CTNNA3: variants seen among roughly 807,000 people sequenced by gnomAD.
The protein encoded by CTNNA3 is catenin alpha-3.
CTNNA3 carries 76 observed loss-of-function variants against 95.7 expected under a neutral mutation model. The ratio of observed to expected loss-of-function variants is 0.79; its 90% CI spans 0.66 to 0.96. The LOEUF is 0.96. CTNNA3 is among the 40% of genes least tolerant of loss of function. The pLI is 0.00. For synonymous variants in CTNNA3, 431 were observed against 374.4 expected, an observed-to-expected ratio of 1.15 and a Z score of -1.74; for missense variants, 1,191 against 1,089.8, an observed-to-expected ratio of 1.09 and a Z score of -1.31.
intron 12 of CTNNA3, among the ~76,000 whole-genome samples, chr10:66,377,546 T>A: frequency 6.6e-6 from 1 of 152,024 alleles, no homozygotes; most frequent in East Asian, 1.9e-4. Flanking sequence ...ATTATGATCA[T>A]AAAGTATGCT....
Position 66,368,075 on chromosome 10 carries a change from C to G in CTNNA3, c.1732+11077G>C, listed in dbSNP as rs561989795. 6.7e-4 allele frequency among the ~76,000 whole-genome samples: 101 copies of G among 151,550 alleles called. 1 individual carries two copies. Among genetic ancestry groups the G allele is most frequent in the African/African-American group, 2.2e-3 (93 of 41,366 alleles). On this transcript the variant is annotated intron_variant, in intron 12 of 17. Coordinates refer to ENST00000433211, the MANE Select transcript of CTNNA3 (RefSeq NM_013266.4). ...TCCATGTCGTCCTATTTCTGTTTTT[C>G]CCATCTCTTGTTTAGTTTGGGCACA... is the stretch of plus-strand genomic sequence containing the variant.
Position 67,744,315 on chromosome 10 carries a change from A to G in CTNNA3, c.-2+19119T>C, listed in dbSNP as rs1465710552. 2.6e-5 allele frequency among the ~76,000 whole-genome samples: 4 copies of G among 151,340 alleles called. No individual in the cohort carries two copies. The East Asian group carries it at 7.7e-4, about 29-fold the overall frequency. The stretch of plus-strand genomic sequence containing the variant: ...GGTACCAAAACAGAGATATAGATCA[A>G]TGGAACAGACCAGAGCCCTCAGAAA... On this transcript the variant is annotated intron_variant, in intron 1 of 17. Coordinates refer to the CTNNA3 transcript ENST00000684154.
intron 5 of CTNNA3, among the ~76,000 whole-genome samples, chr10:67,431,123 T>A (rs1846098273): frequency 2.0e-5 from 3 of 151,954 alleles, no homozygotes; most frequent in Admixed American, 6.6e-5. Flanking sequence ...GTCATAGGTA[T>A]TTTCACCTTT....
At chr10:67,566,041 G>GTATACATATATATATATATATATATATA (rs1388066358) in intron 3 of CTNNA3, among the ~76,000 whole-genome samples, 8 of 29,434 alleles carry the variant, frequency 2.7e-4, no homozygotes, top group African/African-American at 1.1e-3. Context: ...ATATGTGTGT[G>GTATACATATATATATATATATATATATA]TGTATATATA....
chr10:66,767,483 A>C lies in CTNNA3; in HGVS notation c.1129-1067T>G, dbSNP rs117438572. On this transcript the variant is annotated intron_variant, in intron 8 of 17. Transcript: ENST00000433211. The stretch of plus-strand genomic sequence containing the variant: ...AAAAAAAAAAAATCATAATATCCTG[A>C]AATGTTTCATTAACAATGTCAATGA... Among the ~76,000 whole-genome samples the C allele has an allele frequency of 2.6e-3, 393 of 151,426 alleles. 11 individuals are homozygous for C. The East Asian group carries it at 0.057, about 22-fold the overall frequency.
At chr10:65,934,290 T>C (rs1187060585) in intron 17 of CTNNA3, among the ~76,000 whole-genome samples, 3 of 152,188 alleles carry the variant, frequency 2.0e-5, no homozygotes, top group East Asian at 3.9e-4. Flanking sequence ...TTCCACATTC[T>C]AACCATCTTG....
chr10:66,412,219 TA>T (rs2093110848), intron 11 of CTNNA3, among the ~76,000 whole-genome samples: 1 of 151,880 alleles, frequency 6.6e-6, no homozygotes, highest in Non-Finnish European at 1.5e-5. Context: ...AGAAAGATAA[TA>T]AAGTGGTGGT....
intron 7 of CTNNA3, among the ~76,000 whole-genome samples, chr10:66,899,509 G>C (rs1336466499): frequency 6.6e-6 from 1 of 152,132 alleles, no homozygotes; most frequent in Non-Finnish European, 1.5e-5. Flanking sequence ...TTGGACAGTG[G>C]GTGCAGCCCA....
chr10:67,643,561 T>A (rs1366891269), intron 2 of CTNNA3, among the ~76,000 whole-genome samples: 2 of 152,106 alleles, frequency 1.3e-5, no homozygotes, highest in East Asian at 3.9e-4. Flanking sequence ...ATACCTTAAG[T>A]TCTGGGATAC....
chr10:66,398,257 A>G (rs1479659736), intron 11 of CTNNA3, among the ~76,000 whole-genome samples: 1 of 151,948 alleles, frequency 6.6e-6, no homozygotes, highest in Non-Finnish European at 1.5e-5. Flanking sequence ...AAAGAGTGGC[A>G]TGAAAATTAA....
intron 7 of CTNNA3, among the ~76,000 whole-genome samples, chr10:66,783,091 T>C (rs4433472): frequency 0.67 from 102,196 of 151,968 alleles, 34,954 homozygotes; most frequent in East Asian, 1. Flanking sequence ...GTCTAGTAAA[T>C]AACTAATTAA....
intron 1 of CTNNA3, among the ~76,000 whole-genome samples, chr10:67,659,233 T>G (rs1388657812): frequency 1.3e-5 from 2 of 152,138 alleles, no homozygotes; most frequent in Non-Finnish European, 2.9e-5. Context: ...CTAATCTCCC[T>G]CTTAAAAAAA....
intron 3 of CTNNA3, among the ~76,000 whole-genome samples, chr10:67,540,235 T>G (rs1840631696): frequency 6.6e-6 from 1 of 152,022 alleles, no homozygotes; most frequent in Admixed American, 6.6e-5. Context: ...AAAATATATT[T>G]TATTATAAAA....
intron 5 of CTNNA3, among the ~76,000 whole-genome samples, chr10:67,321,727 C>G (rs1296824477): frequency 6.6e-6 from 1 of 152,064 alleles, no homozygotes; most frequent in African/African-American, 2.4e-5. Flanking sequence ...CGAGTCCACA[C>G]CTCTCCTCTT....
intron 13 of CTNNA3, among the ~76,000 whole-genome samples, chr10:66,159,347 G>T (rs563694456): frequency 8.6e-5 from 13 of 151,968 alleles, no homozygotes; most frequent in African/African-American, 3.1e-4. Context: ...TGCCAATTTT[G>T]CTTTGAGTTT....
chr10:66,414,168 G>C (rs576888296), intron 11 of CTNNA3, among the ~76,000 whole-genome samples: 1 of 152,232 alleles, frequency 6.6e-6, no homozygotes, highest in East Asian at 1.9e-4. Context: ...GGTTAGGTAG[G>C]TTAGTTAGGT....
At chr10:66,926,158 G>A (rs1175869899) in intron 7 of CTNNA3, 2 of 461,796 alleles carry the variant, frequency 4.3e-6, no homozygotes, top group Non-Finnish European at 8.7e-6. Context: ...TGCTCATCAC[G>A]GGAACTGCTG....
At chr10:65,924,285 C>T (rs1017040013) in intron 17 of CTNNA3, among the ~76,000 whole-genome samples, 2 of 152,154 alleles carry the variant, frequency 1.3e-5, no homozygotes, top group African/African-American at 2.4e-5. Context: ...CACCATCAAT[C>T]AGGACACTGA....
At chr10:67,449,147 G>A (rs561433216) in intron 5 of CTNNA3, among the ~76,000 whole-genome samples, 2 of 152,102 alleles carry the variant, frequency 1.3e-5, no homozygotes, top group East Asian at 3.9e-4. Context: ...TCTCTAAAAT[G>A]AGAATTACAA....
Sources: allele counts gnomAD v4.1 joint callset (sites outside exome capture counted in the v4.1 genomes callset), GRCh38; gene constraint gnomAD v4.1.1; transcripts MANE v1.5; gene names NCBI Gene and HGNC (gene_info 2026-07-23, HGNC 2026-07-21).